PAK5: variants seen among roughly 807,000 people sequenced by gnomAD.
PAK5 encodes the protein p21 (RAC1) activated kinase 5.
A neutral mutation model predicts 65.9 loss-of-function variants in PAK5; 16 were observed. That is an observed-to-expected ratio of 0.24 (90% CI 0.16 to 0.37). The LOEUF is 0.37. PAK5 is among the 10% of genes least tolerant of loss of function. The probability of loss-of-function intolerance (pLI) is 1.00; values close to 1 mark genes in which losing one functional copy is unlikely to be tolerated. For missense variants in PAK5, 785 were observed against 903.9 expected, an observed-to-expected ratio of 0.87 and a Z score of 1.69; for synonymous variants, 371 against 354.9, an observed-to-expected ratio of 1.05 and a Z score of -0.51.
In PAK5 at chr20:9,763,505, A is replaced by T. The variant is rs112843898; in HGVS notation, c.-161-52070T>A. 4.0e-3 allele frequency among the ~76,000 whole-genome samples: 612 copies of T among 152,238 alleles called. 1 individual carries two copies. The highest frequency in any genetic ancestry group is 0.014 in the African/African-American group (579 of 41,536). On this transcript the variant is annotated intron_variant, in intron 1 of 9. Coordinates refer to ENST00000353224, the MANE Select transcript of PAK5 (RefSeq NM_177990.4). ...TAACTGATACAGACACATATCAAAAATAAACCAATAAGCTGTTAAATGAAA... is the reference window on the plus strand; with the variant it reads ...TAACTGATACAGACACATATCAAAATTAAACCAATAAGCTGTTAAATGAAA...
intron 2 of PAK5, among the ~76,000 whole-genome samples, chr20:9,669,570 A>G (rs1473824506): frequency 6.6e-6 from 1 of 152,066 alleles, no homozygotes; most frequent in African/African-American, 2.4e-5. Flanking sequence ...CTCAAGAAAA[A>G]GAGAGAAGAG....
chr20:9,631,807 A>T (rs114981595), intron 3 of PAK5, among the ~76,000 whole-genome samples: 2,785 of 152,306 alleles, frequency 0.018, 94 homozygotes, highest in African/African-American at 0.064. Context: ...CATTAACCTT[A>T]CAGGTAACAG....
intron 3 of PAK5, among the ~76,000 whole-genome samples, chr20:9,599,402 G>A (rs563185417): frequency 5.9e-5 from 9 of 152,272 alleles, no homozygotes; most frequent in African/African-American, 1.9e-4. Context: ...TTAAGTCCAC[G>A]TTTAACCTTC....
At chr20:9,591,960 T>G (rs553209131) in intron 3 of PAK5, among the ~76,000 whole-genome samples, 1 of 152,310 alleles carries the variant, frequency 6.6e-6, no homozygotes, top group South Asian at 2.1e-4. Flanking sequence ...AAATAACATT[T>G]TAAACTATAA....
intron 1 of PAK5, among the ~76,000 whole-genome samples, chr20:9,723,289 A>G (rs948590065): frequency 2.0e-5 from 3 of 152,132 alleles, no homozygotes; most frequent in Non-Finnish European, 2.9e-5. Context: ...GTTCAATTCT[A>G]GATGTATTTT....
At chr20:9,571,886 AT>A (rs2045791793) in intron 4 of PAK5, among the ~76,000 whole-genome samples, 1 of 30,126 alleles carries the variant, frequency 3.3e-5, no homozygotes, top group African/African-American at 1.3e-4. Context: ...GGGGGGGGGG[AT>A]GTGGTCTTAA....
chr20:9,662,628 A>G (rs1158241282), intron 2 of PAK5, among the ~76,000 whole-genome samples: 2 of 152,124 alleles, frequency 1.3e-5, no homozygotes, highest in Non-Finnish European at 2.9e-5. Flanking sequence ...GGATCCCTGA[A>G]CTGCTGTATG....
intron 1 of PAK5, among the ~76,000 whole-genome samples, chr20:9,809,929 T>A (rs1247975424): frequency 6.6e-6 from 1 of 152,194 alleles, no homozygotes; most frequent in Non-Finnish European, 1.5e-5. Context: ...TAGGATTCTA[T>A]TTATCTTTCC....
intron 2 of PAK5, among the ~76,000 whole-genome samples, chr20:9,701,778 C>G (rs1171448869): frequency 6.6e-6 from 1 of 152,030 alleles, no homozygotes; most frequent in East Asian, 1.9e-4. Context: ...GCAGGAGGAT[C>G]ACTTAAGCTC....
rs555984932 is a variant in PAK5, at chr20:9,753,870, AGGC to A, written c.-161-42438_-161-42436del. ...CCAGAGCTCCTCATGGATCAAGCTG[AGGC>A]TAGACTTCACCTGAGCCCTTATTTT... On this transcript the variant is annotated intron_variant, in intron 1 of 9. Coordinates refer to ENST00000353224, the MANE Select transcript of PAK5 (RefSeq NM_177990.4). Among the ~76,000 whole-genome samples the A allele has an allele frequency of 8.9e-4, 135 of 152,260 alleles. 1 individual carries two copies. The highest frequency in any genetic ancestry group is 4.8e-3 in the South Asian group (23 of 4,820).
At chr20:9,807,551 G>A (rs1248662352) in intron 1 of PAK5, among the ~76,000 whole-genome samples, 4 of 152,106 alleles carry the variant, frequency 2.6e-5, no homozygotes, top group African/African-American at 9.6e-5. Flanking sequence ...CAAGAAAATT[G>A]AAAGTTTAGT....
Position 9,778,998 on chromosome 20 carries a change from A to G in PAK5, c.-162+59764T>C, listed in dbSNP as rs188975850. ...TTGTTCCTTTACTTTTCTAGGTATT[A>G]TGATGATTATTTTTCCTTTACTGAT... On this transcript the variant is annotated intron_variant, in intron 1 of 9. Coordinates refer to ENST00000353224, the MANE Select transcript of PAK5 (RefSeq NM_177990.4). 7.2e-4 allele frequency among the ~76,000 whole-genome samples: 109 copies of G among 152,176 alleles called. 1 individual carries two copies. In the East Asian group the frequency reaches 0.019, roughly 26 times the overall value.
intron 1 of PAK5, among the ~76,000 whole-genome samples, chr20:9,730,305 A>G (rs1308297957): frequency 2.0e-5 from 3 of 152,104 alleles, no homozygotes; most frequent in Non-Finnish European, 4.4e-5. Context: ...ATGTTTTTAT[A>G]TTTACTATTT....
Position 9,539,389 on chromosome 20 carries a change from C to T in PAK5, c.*73G>A. On this transcript the variant is annotated 3_prime_UTR_variant, in exon 10 of 10. Transcript: ENST00000353224. ...AGAATGCACAGGCCTTTTGCATGTTCTGTGTTTCCTTTTGTTCTCCTGAAT... is the reference window on the plus strand; with the variant it reads ...AGAATGCACAGGCCTTTTGCATGTTTTGTGTTTCCTTTTGTTCTCCTGAAT... The T allele has an allele frequency of 6.8e-7, 1 of 1,463,548 alleles. No individual in the cohort carries two copies. Among genetic ancestry groups the T allele is most frequent in the South Asian group, 1.2e-5 (1 of 83,854 alleles). 90.7% of individuals were successfully genotyped at this position (1,463,548 alleles called of 1,614,324 possible). A position where few individuals can be genotyped will look rare whatever the true frequency, so the allele number is the denominator to read the frequency against.
At position 9,638,498 on chromosome 20, in the gene PAK5, T is replaced by A. The variant is rs114998897; in HGVS notation, c.204+5627A>T. 7.0e-3 allele frequency among the ~76,000 whole-genome samples: 1,060 copies of A among 152,332 alleles called. 14 individuals are homozygous for A. The highest frequency in any genetic ancestry group is 0.023 in the African/African-American group (959 of 41,570). On this transcript the variant is annotated intron_variant, in intron 3 of 9. Transcript: ENST00000353224. ...ATTGATTATACCTTATGTGGATACA[T>A]TCTTTTATACTACTTAAATCAAAGT...
At chr20:9,576,940 A>C (rs1188042946) in intron 4 of PAK5, among the ~76,000 whole-genome samples, 1 of 152,172 alleles carries the variant, frequency 6.6e-6, no homozygotes, top group Non-Finnish European at 1.5e-5. Flanking sequence ...TAGGGAACGG[A>C]TGTGCTGGGC....
At chr20:9,617,299 A>G (rs1455282114) in intron 3 of PAK5, among the ~76,000 whole-genome samples, 1 of 152,100 alleles carries the variant, frequency 6.6e-6, no homozygotes, top group African/African-American at 2.4e-5. Flanking sequence ...TTAAAATTTC[A>G]ATCAGTGGAA....
At chr20:9,543,430 C>G (rs1223977467) in intron 8 of PAK5, among the ~76,000 whole-genome samples, 4 of 152,060 alleles carry the variant, frequency 2.6e-5, no homozygotes, top group Non-Finnish European at 5.9e-5. Context: ...CTCATTATAC[C>G]TCTTATCTGA....
intron 1 of PAK5, among the ~76,000 whole-genome samples, chr20:9,751,634 C>T (rs2048578265): frequency 6.6e-6 from 1 of 152,106 alleles, no homozygotes; most frequent in South Asian, 2.1e-4. Context: ...ATCAAGTAAG[C>T]AATGGACTAA....
Sources: allele counts gnomAD v4.1 joint callset (sites outside exome capture counted in the v4.1 genomes callset), GRCh38; gene constraint gnomAD v4.1.1; transcripts MANE v1.5; gene names NCBI Gene and HGNC (gene_info 2026-07-23, HGNC 2026-07-21).